The following GALNTL6 variants were observed in gnomAD, a reference collection of about 807,000 sequenced individuals.
GALNTL6 encodes the protein polypeptide N-acetylgalactosaminyltransferase-like 6.
A neutral mutation model predicts 73.7 loss-of-function variants in GALNTL6; 46 were observed. The ratio of observed to expected loss-of-function variants is 0.62; its 90% CI spans 0.49 to 0.80. The LOEUF is 0.80. Ranked by LOEUF, GALNTL6 falls within the 30% of genes least tolerant of loss-of-function variation. GALNTL6 has a pLI of 0.00. For synonymous variants in GALNTL6, 259 were observed against 263.7 expected, an observed-to-expected ratio of 0.98 and a Z score of 0.17; for missense variants, 604 against 755.0, an observed-to-expected ratio of 0.80 and a Z score of 2.34.
intron 2 of GALNTL6, among the ~76,000 whole-genome samples, chr4:172,065,619 G>A (rs560454246): frequency 6.6e-6 from 1 of 152,166 alleles, no homozygotes. Flanking sequence ...ATTAAGAGGA[G>A]GGTACAGAGA....
At chr4:172,281,742 G>C (rs892887299) in intron 3 of GALNTL6, among the ~76,000 whole-genome samples, 1 of 151,982 alleles carries the variant, frequency 6.6e-6, no homozygotes, top group Non-Finnish European at 1.5e-5. Context: ...ACCTGTGATT[G>C]TCTTGCTCTC....
chr4:172,887,655 C>T (rs1469281208), intron 8 of GALNTL6, among the ~76,000 whole-genome samples: 1 of 151,962 alleles, frequency 6.6e-6, no homozygotes, highest in African/African-American at 2.4e-5. Context: ...TCTCCGCCTC[C>T]TAGGTTCAAG....
chr4:172,330,555 C>T (rs923102601), intron 4 of GALNTL6, among the ~76,000 whole-genome samples: 16 of 152,214 alleles, frequency 1.1e-4, no homozygotes, highest in African/African-American at 3.9e-4. Flanking sequence ...CTCTTTTTCT[C>T]TCCATGAGAG....
chr4:172,817,190 C>T (rs1388592994), intron 7 of GALNTL6, among the ~76,000 whole-genome samples: 1 of 151,528 alleles, frequency 6.6e-6, no homozygotes, highest in Non-Finnish European at 1.5e-5. Flanking sequence ...CTTTGGGAGA[C>T]CAAGGCAGGC....
intron 10 of GALNTL6, among the ~76,000 whole-genome samples, chr4:173,003,142 T>C (rs1579767622): frequency 6.6e-6 from 1 of 152,182 alleles, no homozygotes; most frequent in East Asian, 1.9e-4. Context: ...ATTATGTATA[T>C]TTTATCACAA....
Position 172,036,952 on chromosome 4 carries a change from T to A in GALNTL6, c.139-192704T>A, listed in dbSNP as rs1741945279. 5.3e-5 allele frequency among the ~76,000 whole-genome samples: 8 copies of A among 152,168 alleles called. 1 individual carries two copies. The South Asian group carries it at 1.7e-3, about 31-fold the overall frequency. On this transcript the variant is annotated intron_variant, in intron 2 of 12. Transcript: ENST00000506823. ...ATTAAGTGTGATGTGTCATCTCTTTTCTTTTTATTCATCTTTCCTTGTTCT... is the reference window on the plus strand; with the variant it reads ...ATTAAGTGTGATGTGTCATCTCTTTACTTTTTATTCATCTTTCCTTGTTCT...
intron 5 of GALNTL6, among the ~76,000 whole-genome samples, chr4:172,599,878 C>T (rs1212467904): frequency 6.6e-6 from 1 of 151,942 alleles, no homozygotes; most frequent in East Asian, 1.9e-4. Context: ...TCCAGATTGC[C>T]AGCTGATGAG....
At chr4:172,966,639 G>A (rs578132311) in intron 10 of GALNTL6, among the ~76,000 whole-genome samples, 11 of 152,268 alleles carry the variant, frequency 7.2e-5, no homozygotes, top group South Asian at 2.1e-4. Flanking sequence ...TGATCCACCC[G>A]CCTCGGCCTC....
intron 5 of GALNTL6, among the ~76,000 whole-genome samples, chr4:172,586,271 T>G (rs926125439): frequency 6.6e-6 from 1 of 152,216 alleles, no homozygotes; most frequent in Non-Finnish European, 1.5e-5. Context: ...AGAGAATACC[T>G]TCTCCTTTTA....
intron 2 of GALNTL6, among the ~76,000 whole-genome samples, chr4:172,134,302 A>G (rs866571864): frequency 1.8e-4 from 28 of 151,730 alleles, no homozygotes; most frequent in Middle Eastern, 3.4e-3. Flanking sequence ...GGAGAATGGC[A>G]TGAACCTGGG....
At chr4:171,873,645 G>T (rs966709204) in intron 2 of GALNTL6, among the ~76,000 whole-genome samples, 2 of 151,986 alleles carry the variant, frequency 1.3e-5, no homozygotes, top group African/African-American at 4.8e-5. Context: ...TTATAATAGT[G>T]ATTTATCAAT....
At chr4:171,834,970 G>A (rs1299255831) in intron 2 of GALNTL6, among the ~76,000 whole-genome samples, 3 of 151,904 alleles carry the variant, frequency 2.0e-5, no homozygotes, top group African/African-American at 7.2e-5. Flanking sequence ...ATAGTAGTTA[G>A]CAAAAAGAGT....
intron 5 of GALNTL6, among the ~76,000 whole-genome samples, chr4:172,617,155 G>A (rs967706009): frequency 2.0e-4 from 31 of 151,848 alleles, no homozygotes; most frequent in African/African-American, 5.6e-4. Flanking sequence ...GTGTGTGTGC[G>A]TAATTATAAG....
intron 8 of GALNTL6, among the ~76,000 whole-genome samples, chr4:172,915,676 C>T (rs1034696770): frequency 1.3e-5 from 2 of 152,164 alleles, no homozygotes; most frequent in Non-Finnish European, 2.9e-5. Flanking sequence ...GGGACACATA[C>T]AGCCTCCAAA....
intron 5 of GALNTL6, among the ~76,000 whole-genome samples, chr4:172,631,030 G>A (rs531401985): frequency 4.5e-4 from 68 of 151,740 alleles, no homozygotes; most frequent in Non-Finnish European, 9.1e-4. Flanking sequence ...ATTGCATAGA[G>A]TCATTATGTA....
intron 2 of GALNTL6, among the ~76,000 whole-genome samples, chr4:172,186,519 C>T (rs1208866746): frequency 1.3e-5 from 2 of 152,022 alleles, no homozygotes; most frequent in Non-Finnish European, 2.9e-5. Flanking sequence ...CAATGTCTAC[C>T]ATCAGATAAA....
chr4:172,960,044 G>A (rs554804573), intron 10 of GALNTL6, among the ~76,000 whole-genome samples: 1 of 152,180 alleles, frequency 6.6e-6, no homozygotes, highest in Non-Finnish European at 1.5e-5. Context: ...TGGGGTTTGA[G>A]GGCCAGAATT....
rs147424259 is a variant in GALNTL6, at chr4:172,998,259, G to A, written c.1372-10919G>A. On this transcript the variant is annotated intron_variant, in intron 10 of 12. Coordinates refer to ENST00000506823, the MANE Select transcript of GALNTL6 (RefSeq NM_001034845.3). ...GAATGGATCTGTTTAAGCAAAAATG[G>A]TGTGATGGCTATGAGGCAAAGCCTT... 3.0e-3 allele frequency among the ~76,000 whole-genome samples: 452 copies of A among 152,290 alleles called. 2 individuals are homozygous for A. Among genetic ancestry groups the A allele is most frequent in the African/African-American group, 0.01 (435 of 41,562 alleles).
chr4:172,258,432 T>C (rs1738155583), intron 3 of GALNTL6, among the ~76,000 whole-genome samples: 2 of 151,266 alleles, frequency 1.3e-5, no homozygotes, highest in Admixed American at 1.3e-4. Context: ...GACAATGTTT[T>C]TCATTAGTTG....
Sources: gnomAD v4.1 joint callset for allele counts (sites outside exome capture counted in the v4.1 genomes callset) on GRCh38, gnomAD v4.1.1 for gene constraint, MANE v1.5 for transcripts, NCBI Gene and HGNC (gene_info 2026-07-23, HGNC 2026-07-21) for gene names.